The following NRXN3 variants were observed in gnomAD, a reference collection of about 807,000 sequenced individuals.
The protein encoded by NRXN3 is neurexin 3.
A neutral mutation model predicts 137.6 loss-of-function variants in NRXN3; 32 were observed. The ratio of observed to expected loss-of-function variants is 0.23; its 90% CI spans 0.18 to 0.31. The LOEUF (loss-of-function observed/expected upper bound fraction) is 0.31. Ranked by LOEUF, NRXN3 falls within the 10% of genes least tolerant of loss-of-function variation. The pLI is 1.00. For missense variants in NRXN3, 1,574 were observed against 2,062.5 expected (o/e 0.76, Z 4.59); for synonymous variants, 798 against 784.5 (o/e 1.02, Z -0.29).
chr14:78,344,261 T>A (rs214014), intron 4 of NRXN3, among the ~76,000 whole-genome samples: 5 of 152,050 alleles, frequency 3.3e-5, no homozygotes, highest in Non-Finnish European at 7.4e-5. Context: ...AAGCAGCTGG[T>A]GGACAAGACT....
intron 4 of NRXN3, among the ~76,000 whole-genome samples, chr14:78,331,354 A>G (rs910000176): frequency 3.3e-5 from 5 of 152,180 alleles, no homozygotes; most frequent in African/African-American, 9.7e-5. Context: ...TGTTTTAATA[A>G]AAAAAGGAAC....
At chr14:79,796,830 C>T (rs17764734) in intron 19 of NRXN3, among the ~76,000 whole-genome samples, 52,297 of 152,050 alleles carry the variant, frequency 0.34, 9,180 homozygotes, top group Admixed American at 0.41. Context: ...ATACGATTTG[C>T]TTGAATTCCT....
chr14:79,385,356 A>G (rs906548276), intron 15 of NRXN3, among the ~76,000 whole-genome samples: 1 of 151,324 alleles, frequency 6.6e-6, no homozygotes, highest in Admixed American at 6.6e-5. Context: ...GATGATTTCC[A>G]ATTTCATCCA....
At chr14:78,986,188 A>G (rs2099503727) in intron 14 of NRXN3, among the ~76,000 whole-genome samples, 1 of 152,132 alleles carries the variant, frequency 6.6e-6, no homozygotes, top group Non-Finnish European at 1.5e-5. Flanking sequence ...AAACTGTGAA[A>G]TATGCTGTTA....
chr14:79,249,381 A>G (rs2075641179), intron 15 of NRXN3, among the ~76,000 whole-genome samples: 1 of 152,194 alleles, frequency 6.6e-6, no homozygotes, highest in Non-Finnish European at 1.5e-5. Flanking sequence ...GAAAGAAGGC[A>G]TACACAAAAT....
chr14:79,387,629 T>C (rs1374106794), intron 15 of NRXN3, among the ~76,000 whole-genome samples: 1 of 147,068 alleles, frequency 6.8e-6, no homozygotes, highest in African/African-American at 2.5e-5. Flanking sequence ...TTATAAATCA[T>C]GTTGCTATAA....
At chr14:79,832,964 C>G (rs1226377652) in intron 20 of NRXN3, among the ~76,000 whole-genome samples, 1 of 151,964 alleles carries the variant, frequency 6.6e-6, no homozygotes, top group Admixed American at 6.6e-5. Flanking sequence ...AATGAATGCT[C>G]TAAATATAAA....
At chr14:79,477,288 G>A (rs905848994) in intron 16 of NRXN3, among the ~76,000 whole-genome samples, 3 of 152,066 alleles carry the variant, frequency 2.0e-5, no homozygotes, top group African/African-American at 7.2e-5. Flanking sequence ...TAAGAAAAGA[G>A]GCAGGTAATA....
chr14:79,115,791 G>A (rs1461224529), intron 15 of NRXN3, among the ~76,000 whole-genome samples: 4 of 152,112 alleles, frequency 2.6e-5, no homozygotes, highest in Admixed American at 6.5e-5. Flanking sequence ...TTGTTTTACC[G>A]TGATGTATTT....
intron 10 of NRXN3, among the ~76,000 whole-genome samples, chr14:78,905,697 T>G (rs2099213864): frequency 1.3e-5 from 2 of 152,086 alleles, no homozygotes; most frequent in Admixed American, 1.3e-4. Flanking sequence ...GTAATCATTT[T>G]GATGGTTTAT....
chr14:78,813,408 T>C (rs1445976449), intron 10 of NRXN3, among the ~76,000 whole-genome samples: 1 of 152,182 alleles, frequency 6.6e-6, no homozygotes, highest in African/African-American at 2.4e-5. Flanking sequence ...GTGAGAGTAT[T>C]TGCACCCTGG....
At chr14:78,866,794 CT>C (rs1208179961) in intron 10 of NRXN3, among the ~76,000 whole-genome samples, 9,781 of 119,062 alleles carry the variant, frequency 0.082, 413 homozygotes, top group African/African-American at 0.18. Context: ...TTACCTTCAT[CT>C]TTTTTTTTTT....
intron 16 of NRXN3, among the ~76,000 whole-genome samples, chr14:79,479,244 T>A (rs1600893247): frequency 6.6e-6 from 1 of 152,164 alleles, no homozygotes; most frequent in South Asian, 2.1e-4. Flanking sequence ...GTGGAGTGTA[T>A]CTTTTTGTAA....
chr14:78,225,974 G>GTGTGTTGGGGT (rs1394081828), intron 1 of NRXN3, among the ~76,000 whole-genome samples: 11 of 123,718 alleles, frequency 8.9e-5, no homozygotes, highest in African/African-American at 3.4e-4. Flanking sequence ...TGTGTGTGTT[G>GTGTGTTGGGGT]GTGTGTGTGT....
At chr14:79,260,287 C>G (rs1472692368) in intron 15 of NRXN3, among the ~76,000 whole-genome samples, 1 of 151,892 alleles carries the variant, frequency 6.6e-6, no homozygotes, top group Admixed American at 6.6e-5. Context: ...TTATAAGACT[C>G]TAGCTAAAAC....
At chr14:79,186,626 C>A (rs79952120) in intron 15 of NRXN3, among the ~76,000 whole-genome samples, 5,494 of 152,222 alleles carry the variant, frequency 0.036, 248 homozygotes, top group East Asian at 0.22. Flanking sequence ...TGAGGAGTAA[C>A]AGATCTCACT....
At chr14:78,441,810 T>C (rs1334286562) in intron 4 of NRXN3, among the ~76,000 whole-genome samples, 1 of 152,030 alleles carries the variant, frequency 6.6e-6, no homozygotes, top group Non-Finnish European at 1.5e-5. Flanking sequence ...ATGTAAGAAA[T>C]ACATAGCTGG....
intron 17 of NRXN3, among the ~76,000 whole-genome samples, chr14:79,680,882 C>G (rs371973175): frequency 8.5e-5 from 13 of 152,220 alleles, no homozygotes; most frequent in African/African-American, 3.1e-4. Context: ...AGGTCCTTGT[C>G]CCTTTAGGGA....
At chr14:79,318,141 AT>A (rs1250285047) in intron 15 of NRXN3, among the ~76,000 whole-genome samples, 1 of 152,264 alleles carries the variant, frequency 6.6e-6, no homozygotes, top group African/African-American at 2.4e-5. Flanking sequence ...TTCCAAAAAA[AT>A]ATAGTGTTTT....
Sources: gnomAD v4.1 joint callset for allele counts (sites outside exome capture counted in the v4.1 genomes callset) on GRCh38, gnomAD v4.1.1 for gene constraint, MANE v1.5 for transcripts, NCBI Gene and HGNC (gene_info 2026-07-23, HGNC 2026-07-21) for gene names.